PTPRD: variants seen among roughly 807,000 people sequenced by gnomAD.
The protein encoded by PTPRD is protein tyrosine phosphatase receptor type D, also known as receptor-type tyrosine-protein phosphatase delta.
PTPRD carries 34 observed loss-of-function variants against 214.5 expected under a neutral mutation model. That is an observed-to-expected ratio of 0.16 (90% CI 0.12 to 0.21). The LOEUF (loss-of-function observed/expected upper bound fraction) is 0.21, where lower values mean the gene tolerates loss of function less well. PTPRD is among the 10% of genes least tolerant of loss of function. PTPRD has a pLI of 1.00. For missense variants in PTPRD, 2,545 were observed against 2,398.7 expected (o/e 1.06, Z -1.27); for synonymous variants, 1,128 against 845.7 (o/e 1.33, Z -5.79).
intron 10 of PTPRD, among the ~76,000 whole-genome samples, chr9:9,022,938 T>A (rs954404936): frequency 2.0e-5 from 3 of 152,140 alleles, no homozygotes; most frequent in African/African-American, 7.2e-5. Flanking sequence ...ATGGCTGGCA[T>A]GACTGGTATT....
chr9:8,518,260 G>A lies in PTPRD; in HGVS notation c.1131C>T (p.Arg377=), dbSNP rs1592582892. ...AGGGACTTAGTCCAGCGACACTGTA[G>A]CGTGTGGTCGCCACCCCATCAATTT... ...YKEIDGVATT[R]YSVAGLSPYS... The change falls in exon 21 of 46, where the codon CGC becomes CGT. Residue 377 remains arginine (R), a synonymous_variant. Transcript: ENST00000381196. 6.2e-7 allele frequency: 1 copy of A among 1,614,144 alleles called. No individual in the cohort carries two copies. Among genetic ancestry groups the A allele is most frequent in the African/African-American group, 1.3e-5 (1 of 75,044 alleles).
intron 5 of PTPRD, among the ~76,000 whole-genome samples, chr9:9,781,528 G>A (rs1393878013): frequency 6.6e-6 from 1 of 152,134 alleles, no homozygotes; most frequent in South Asian, 2.1e-4. Flanking sequence ...TTGCCTAATT[G>A]AAGTATCAGG....
At chr9:10,214,660 A>G (rs1387382197) in intron 3 of PTPRD, among the ~76,000 whole-genome samples, 2 of 152,048 alleles carry the variant, frequency 1.3e-5, no homozygotes, top group Non-Finnish European at 2.9e-5. Context: ...TTTATCACCT[A>G]ACACAAGGCC....
At chr9:9,540,823 G>C (rs2077435210) in intron 8 of PTPRD, among the ~76,000 whole-genome samples, 2 of 151,684 alleles carry the variant, frequency 1.3e-5, no homozygotes, top group Admixed American at 1.3e-4. Context: ...ATTAAGTATA[G>C]GTGAGAAAGT....
At chr9:10,600,325 C>T (rs765968207) in intron 2 of PTPRD, among the ~76,000 whole-genome samples, 4 of 151,740 alleles carry the variant, frequency 2.6e-5, no homozygotes, top group South Asian at 2.1e-4. Flanking sequence ...ATCATATACA[C>T]TCTCCCTTTT....
chr9:9,169,829 T>C (rs2099911159), intron 10 of PTPRD, among the ~76,000 whole-genome samples: 2 of 152,104 alleles, frequency 1.3e-5, no homozygotes, highest in Admixed American at 1.3e-4. Flanking sequence ...ACAACATCAA[T>C]AGCAGCAACA....
intron 32 of PTPRD, among the ~76,000 whole-genome samples, chr9:8,465,011 A>G (rs533976039): frequency 9.9e-5 from 15 of 151,986 alleles, no homozygotes; most frequent in East Asian, 9.7e-4. Flanking sequence ...CAAAGTCAGT[A>G]TTTTCAGAAA....
chr9:10,300,980 C>G (rs540023373), intron 3 of PTPRD, among the ~76,000 whole-genome samples: 1 of 152,218 alleles, frequency 6.6e-6, no homozygotes, highest in South Asian at 2.1e-4. Context: ...GAAGACATCT[C>G]CCAGTAGGGG....
chr9:10,308,072 T>C (rs2096142687), intron 3 of PTPRD, among the ~76,000 whole-genome samples: 1 of 151,956 alleles, frequency 6.6e-6, no homozygotes, highest in Non-Finnish European at 1.5e-5. Flanking sequence ...TAGTTTAATA[T>C]AGTTTTATTT....
chr9:8,455,390 T>C (rs968166676), intron 33 of PTPRD, among the ~76,000 whole-genome samples: 3 of 152,222 alleles, frequency 2.0e-5, no homozygotes, highest in Admixed American at 6.5e-5. Context: ...CCTGTGATAA[T>C]ATGTTGATTG....
At chr9:9,683,065 T>A (rs2097104596) in intron 7 of PTPRD, among the ~76,000 whole-genome samples, 1 of 151,848 alleles carries the variant, frequency 6.6e-6, no homozygotes, top group Non-Finnish European at 1.5e-5. Flanking sequence ...ATAGGGGACT[T>A]AAATATAATG....
At chr9:8,344,175 A>G (rs1010417929) in intron 39 of PTPRD, among the ~76,000 whole-genome samples, 1 of 152,050 alleles carries the variant, frequency 6.6e-6, no homozygotes, top group African/African-American at 2.4e-5. Flanking sequence ...TTGTCTTTCT[A>G]AATTGTCTTC....
At chr9:9,674,441 T>A in intron 7 of PTPRD, among the ~76,000 whole-genome samples, 1 of 151,822 alleles carries the variant, frequency 6.6e-6, no homozygotes, top group Middle Eastern at 3.4e-3. Flanking sequence ...AGAAAAAACA[T>A]ATAGAATATT....
intron 5 of PTPRD, among the ~76,000 whole-genome samples, chr9:9,792,761 T>C (rs1310017923): frequency 6.6e-6 from 1 of 152,168 alleles, no homozygotes; most frequent in Non-Finnish European, 1.5e-5. Flanking sequence ...GAGGATTTTC[T>C]CAACTGTTTA....
At chr9:9,394,976 C>T (rs532762762) in intron 9 of PTPRD, among the ~76,000 whole-genome samples, 1 of 152,104 alleles carries the variant, frequency 6.6e-6, no homozygotes, top group Non-Finnish European at 1.5e-5. Flanking sequence ...GTTCAGGTAC[C>T]ATATGATTTA....
chr9:8,952,008 A>C (rs973865812), intron 11 of PTPRD, among the ~76,000 whole-genome samples: 4 of 151,958 alleles, frequency 2.6e-5, no homozygotes, highest in Admixed American at 2.6e-4. Context: ...GAATATACAT[A>C]ATATATATAC....
At chr9:8,997,636 C>T (rs1009510113) in intron 11 of PTPRD, among the ~76,000 whole-genome samples, 1 of 152,016 alleles carries the variant, frequency 6.6e-6, no homozygotes, top group Admixed American at 6.6e-5. Context: ...CATTAATAAC[C>T]TATAATGGCC....
chr9:9,042,801 G>C (rs2099644817), intron 10 of PTPRD, among the ~76,000 whole-genome samples: 1 of 151,934 alleles, frequency 6.6e-6, no homozygotes, highest in Non-Finnish European at 1.5e-5. Context: ...ACAGGAACAT[G>C]ACCTAGACTC....
At chr9:10,497,703 G>C (rs981841051) in intron 2 of PTPRD, among the ~76,000 whole-genome samples, 3 of 151,830 alleles carry the variant, frequency 2.0e-5, no homozygotes, top group Non-Finnish European at 4.4e-5. Context: ...ATAAAATTAT[G>C]TTTAAAAAGA....
Sources: allele counts gnomAD v4.1 joint callset (sites outside exome capture counted in the v4.1 genomes callset), GRCh38; gene constraint gnomAD v4.1.1; transcripts MANE v1.5; gene names NCBI Gene and HGNC (gene_info 2026-07-23, HGNC 2026-07-21).